The following SOS1 variants were observed in gnomAD, a reference collection of about 807,000 sequenced individuals.
SOS1 encodes the protein SOS Ras/Rac guanine nucleotide exchange factor 1.
In SOS1, 25 loss-of-function variants were observed where a neutral mutation model predicts 157.6. The ratio of observed to expected loss-of-function variants is 0.16; its 90% CI spans 0.12 to 0.22. SOS1 has a LOEUF of 0.22. Ranked by LOEUF, SOS1 falls within the 10% of genes least tolerant of loss-of-function variation. The pLI, the probability that SOS1 is intolerant of heterozygous loss-of-function variation, is 1.00. For missense variants in SOS1, 1,237 were observed against 1,599.1 expected, an observed-to-expected ratio of 0.77 and a Z score of 3.86; for synonymous variants, 528 against 534.0, an observed-to-expected ratio of 0.99 and a Z score of 0.16.
At chr2:39,106,214 A>T (rs994327646) in intron 1 of SOS1, among the ~76,000 whole-genome samples, 1 of 146,242 alleles carries the variant, frequency 6.8e-6, no homozygotes, top group Non-Finnish European at 1.5e-5. Context: ...CACACACACA[A>T]ATCAGCATGA....
chr2:38,987,658 G>T, intron 21 of SOS1, 67 bp from the exon 22 acceptor site: 1 of 811,512 alleles, frequency 1.2e-6, no homozygotes, highest in Non-Finnish European at 2.1e-6. Flanking sequence ...ACCTTGAAAA[G>T]TCTTAGCTGG....
chr2:39,080,824 T>A (rs1439722045), intron 1 of SOS1, among the ~76,000 whole-genome samples: 1 of 152,142 alleles, frequency 6.6e-6, no homozygotes, highest in Non-Finnish European at 1.5e-5. Context: ...TAATATTTTA[T>A]AAGCAACAGA....
intron 6 of SOS1, among the ~76,000 whole-genome samples, chr2:39,038,435 G>A (rs1670432581): frequency 3.3e-5 from 5 of 151,986 alleles, no homozygotes; most frequent in Admixed American, 3.3e-4. Flanking sequence ...TTATGGATGA[G>A]CAAAGAAAGT....
Position 39,043,410 on chromosome 2 carries a change from T to G in SOS1, c.864+7734A>C, listed in dbSNP as rs1036891658. The stretch of plus-strand genomic sequence containing the variant: ...CATAGTTTTTTCTTTACTGTCGTTA[T>G]GTAGTTTTGATAATGTATTCATACA... On this transcript the variant is annotated intron_variant, in intron 6 of 22. Coordinates refer to ENST00000402219, the MANE Select transcript of SOS1 (RefSeq NM_005633.4). Among the ~76,000 whole-genome samples the G allele has an allele frequency of 1.2e-4, 18 of 152,244 alleles. No homozygotes were observed. In the South Asian group the frequency reaches 3.5e-3, roughly 30 times the overall value.
intron 1 of SOS1, among the ~76,000 whole-genome samples, chr2:39,114,512 A>T (rs187001407): frequency 2.6e-5 from 4 of 152,154 alleles, no homozygotes; most frequent in Non-Finnish European, 5.9e-5. Context: ...CATGTTGGTT[A>T]GGCTGGTATC....
At chr2:39,046,148 GCTT>G (rs935461287) in intron 6 of SOS1, among the ~76,000 whole-genome samples, 84 of 151,894 alleles carry the variant, frequency 5.5e-4, no homozygotes, top group Admixed American at 4.8e-3. Flanking sequence ...GTTTTTGTTT[GCTT>G]CATTCTTTCC....
In SOS1 at chr2:39,120,294, G is replaced by C. The variant is rs769424182; in HGVS notation, c.87+42C>G. 83 of 1,525,358 alleles carry C rather than the reference G, an allele frequency of 5.4e-5. No homozygotes were observed. In the South Asian group the frequency reaches 6.2e-4, roughly 11 times the overall value. The allele number at this position is 1,525,358 out of a possible 1,614,324, so 94.5% of individuals were successfully genotyped here. A position where few individuals can be genotyped will look rare whatever the true frequency, so the allele number is the denominator to read the frequency against. On this transcript the variant is annotated intron_variant, in intron 1 of 22. Coordinates refer to ENST00000402219, the MANE Select transcript of SOS1 (RefSeq NM_005633.4). ...CCAGCCCTTCCCCAGCGCCCGCGCT[G>C]GGGGGCTGCGGCCGGGAAGCGGGGT... is the stretch of plus-strand genomic sequence containing the variant.
intron 1 of SOS1, among the ~76,000 whole-genome samples, chr2:39,111,874 CA>C (rs1311682389): frequency 6.6e-6 from 1 of 152,032 alleles, no homozygotes; most frequent in African/African-American, 2.4e-5. Context: ...GGACTACAGG[CA>C]CACACCACCA....
intron 1 of SOS1, among the ~76,000 whole-genome samples, chr2:39,095,330 T>C (rs1311710063): frequency 3.3e-5 from 5 of 152,082 alleles, no homozygotes; most frequent in Non-Finnish European, 7.3e-5. Flanking sequence ...AGAAACTACT[T>C]GAGGACTGGT....
chr2:39,063,882 G>C (rs1671497328), intron 2 of SOS1, among the ~76,000 whole-genome samples: 2 of 151,654 alleles, frequency 1.3e-5, no homozygotes, highest in African/African-American at 4.9e-5. Flanking sequence ...ACTCTGTCAA[G>C]AGTGCAGTGG....
At chr2:39,018,453 C>T (rs1301582011) in intron 10 of SOS1, among the ~76,000 whole-genome samples, 1 of 151,662 alleles carries the variant, frequency 6.6e-6, no homozygotes, top group African/African-American at 2.4e-5. Flanking sequence ...ACAGAAATAA[C>T]CAGGTTATTT....
At chr2:39,031,021 G>A (rs1316025180) in intron 8 of SOS1, among the ~76,000 whole-genome samples, 3 of 152,024 alleles carry the variant, frequency 2.0e-5, no homozygotes, top group Non-Finnish European at 4.4e-5. Context: ...AGGCAGCAGG[G>A]ATTCTTCCTT....
intron 15 of SOS1, among the ~76,000 whole-genome samples, chr2:39,008,869 T>G (rs1490769896): frequency 6.7e-6 from 1 of 148,492 alleles, no homozygotes; most frequent in Admixed American, 7.0e-5. Flanking sequence ...TACTCAGAGT[T>G]GCTACACTAT....
intron 2 of SOS1, among the ~76,000 whole-genome samples, chr2:39,067,271 C>G (rs1180498091): frequency 6.6e-6 from 1 of 152,142 alleles, no homozygotes; most frequent in African/African-American, 2.4e-5. Flanking sequence ...GCTTTGGCCT[C>G]CCAAAGTGCT....
At chr2:38,998,293 AG>A (rs1668970132) in intron 17 of SOS1, among the ~76,000 whole-genome samples, 1 of 151,924 alleles carries the variant, frequency 6.6e-6, no homozygotes, top group Non-Finnish European at 1.5e-5. Flanking sequence ...TCTGTCTCCC[AG>A]GCTAGAGTGC....
chr2:38,999,068 T>C (rs977013496), intron 17 of SOS1, among the ~76,000 whole-genome samples: 1 of 152,222 alleles, frequency 6.6e-6, no homozygotes, highest in African/African-American at 2.4e-5. Context: ...TTCCAAACTC[T>C]GTCTTGAGCT....
intron 1 of SOS1, among the ~76,000 whole-genome samples, chr2:39,089,554 A>C (rs1672507293): frequency 6.6e-6 from 1 of 151,564 alleles, no homozygotes; most frequent in African/African-American, 2.4e-5. Context: ...AAAAGAAAGA[A>C]AGAAAAGAAG....
chr2:39,041,766 A>C (rs1301272938), intron 6 of SOS1, among the ~76,000 whole-genome samples: 6 of 152,192 alleles, frequency 3.9e-5, no homozygotes. Flanking sequence ...GAAGTTTTAA[A>C]ACTTAATCTC....
At chr2:39,111,418 G>C (rs1254289365) in intron 1 of SOS1, among the ~76,000 whole-genome samples, 2 of 152,134 alleles carry the variant, frequency 1.3e-5, no homozygotes, top group African/African-American at 4.8e-5. Context: ...CAAAATGTTA[G>C]GGTAAAAACT....
Sources: allele counts gnomAD v4.1 joint callset (sites outside exome capture counted in the v4.1 genomes callset), GRCh38; gene constraint gnomAD v4.1.1; transcripts MANE v1.5; gene names NCBI Gene and HGNC (gene_info 2026-07-23, HGNC 2026-07-21).